DCC: variants seen among roughly 807,000 people sequenced by gnomAD.
DCC encodes the protein DCC netrin 1 receptor.
Under a neutral mutation model 172.5 loss-of-function variants are expected in DCC, and 58 were observed. That is an observed-to-expected ratio of 0.34 (90% CI 0.27 to 0.42). The LOEUF (loss-of-function observed/expected upper bound fraction) is 0.42, where lower values mean the gene tolerates loss of function less well. Ranked by LOEUF, DCC falls within the 10% of genes least tolerant of loss-of-function variation. The probability of loss-of-function intolerance (pLI) is 1.00; values close to 1 mark genes in which losing one functional copy is unlikely to be tolerated. For missense variants in DCC, 1,740 were observed against 1,791.0 expected, an observed-to-expected ratio of 0.97 and a Z score of 0.51; for synonymous variants, 709 against 644.5, an observed-to-expected ratio of 1.10 and a Z score of -1.52.
At chr18:52,550,215 C>T (rs1024991719) in intron 1 of DCC, among the ~76,000 whole-genome samples, 16 of 151,806 alleles carry the variant, frequency 1.1e-4, no homozygotes, top group Non-Finnish European at 2.1e-4. Context: ...TTCTACAAAA[C>T]ACCTGACCAG....
At chr18:53,351,716 A>G (rs948455144) in intron 15 of DCC, among the ~76,000 whole-genome samples, 1 of 151,534 alleles carries the variant, frequency 6.6e-6, no homozygotes, top group Non-Finnish European at 1.5e-5. Flanking sequence ...AATTTTCTTC[A>G]TCATCTCTGT....
chr18:53,399,290 GA>G (rs1363832281), intron 18 of DCC, among the ~76,000 whole-genome samples: 18 of 152,160 alleles, frequency 1.2e-4, no homozygotes, highest in Non-Finnish European at 2.5e-4. Flanking sequence ...CTTGTATGTA[GA>G]TTCAGTGTCA....
chr18:53,281,783 T>C (rs2056875707), intron 12 of DCC, among the ~76,000 whole-genome samples: 1 of 150,820 alleles, frequency 6.6e-6, no homozygotes, highest in South Asian at 2.1e-4. Context: ...TTTTTTTTTT[T>C]GCCTGAGAGG....
chr18:53,008,746 A>G (rs932162703), intron 5 of DCC, among the ~76,000 whole-genome samples: 2 of 147,862 alleles, frequency 1.4e-5, no homozygotes, highest in African/African-American at 4.9e-5. Flanking sequence ...ATATACATTT[A>G]GAAAAAAATT....
At chr18:52,369,765 G>T (rs1338698240) in intron 1 of DCC, among the ~76,000 whole-genome samples, 1 of 152,000 alleles carries the variant, frequency 6.6e-6, no homozygotes, top group African/African-American at 2.4e-5. Context: ...TACAGAATTG[G>T]TCTGTCATGA....
chr18:52,930,952 G>A (rs1329069435), intron 5 of DCC, among the ~76,000 whole-genome samples: 1 of 151,980 alleles, frequency 6.6e-6, no homozygotes, highest in Non-Finnish European at 1.5e-5. Flanking sequence ...TTAGAAGCAT[G>A]ATTAATTTCT....
chr18:53,211,329 C>T (rs2055749197), intron 11 of DCC, among the ~76,000 whole-genome samples: 1 of 152,168 alleles, frequency 6.6e-6, no homozygotes, highest in Non-Finnish European at 1.5e-5. Context: ...GCAGCAGAGC[C>T]AGACCACATA....
intron 15 of DCC, among the ~76,000 whole-genome samples, chr18:53,360,222 A>G (rs11875014): frequency 0.018 from 2,764 of 152,232 alleles, 78 homozygotes; most frequent in African/African-American, 0.062. Flanking sequence ...GATACTGTAT[A>G]TCTTATATAT....
intron 12 of DCC, among the ~76,000 whole-genome samples, chr18:53,284,736 G>C (rs552539011): frequency 1.3e-5 from 2 of 152,260 alleles, no homozygotes; most frequent in East Asian, 3.9e-4. Context: ...GGAAAGCTCA[G>C]AAGAAGACAG....
intron 2 of DCC, among the ~76,000 whole-genome samples, chr18:52,826,094 C>T (rs2038504020): frequency 6.6e-6 from 1 of 152,138 alleles, no homozygotes; most frequent in African/African-American, 2.4e-5. Context: ...TTCATGACTA[C>T]CCTCAAAACA....
rs558513383 is a variant in DCC at position 52,513,500 on chromosome 18, A to T, written c.91+172622A>T. Reference sequence around the variant, plus strand: ...AAGCATTATGGTTTTTTAAATTATTATTATTTGTTCTTCAAACAAACCTAT... The same window carrying T: ...AAGCATTATGGTTTTTTAAATTATTTTTATTTGTTCTTCAAACAAACCTAT... On this transcript the variant is annotated intron_variant, in intron 1 of 28. Transcript: ENST00000442544. Among the ~76,000 whole-genome samples, 86 of 152,238 alleles carry T rather than the reference A, an allele frequency of 5.6e-4. 1 individual carries two copies. The South Asian group carries it at 0.017, about 31-fold the overall frequency.
intron 7 of DCC, among the ~76,000 whole-genome samples, chr18:53,115,774 A>G (rs2043399825): frequency 6.6e-6 from 1 of 151,682 alleles, no homozygotes; most frequent in African/African-American, 2.4e-5. Context: ...ACTCAACTTG[A>G]ACAAAAATTT....
chr18:53,101,416 C>G (rs1161259595), intron 7 of DCC, among the ~76,000 whole-genome samples: 2 of 152,008 alleles, frequency 1.3e-5, no homozygotes, highest in Admixed American at 6.6e-5. Context: ...GAGGCATGAC[C>G]AGTACTAAAT....
chr18:52,624,949 G>C (rs1226296356), intron 1 of DCC, among the ~76,000 whole-genome samples: 1 of 152,124 alleles, frequency 6.6e-6, no homozygotes, highest in Non-Finnish European at 1.5e-5. Context: ...AGGTGATTTG[G>C]TTGTTGTGTA....
chr18:52,624,611 C>T (rs17828712), intron 1 of DCC, among the ~76,000 whole-genome samples: 3,009 of 152,238 alleles, frequency 0.02, 101 homozygotes, highest in East Asian at 0.09. Context: ...TATATGTTTA[C>T]TAATCAGTTG....
chr18:52,500,731 C>G (rs1056990878), intron 1 of DCC, among the ~76,000 whole-genome samples: 13 of 152,224 alleles, frequency 8.5e-5, no homozygotes, highest in Non-Finnish European at 1.8e-4. Flanking sequence ...TTCATAATGT[C>G]TCTCTCATGA....
rs909396593 is a variant in DCC at position 52,572,283 on chromosome 18, G to A, written c.92-179771G>A. Among the ~76,000 whole-genome samples the A allele has an allele frequency of 4.6e-5, 7 of 152,196 alleles. No individual in the cohort carries two copies. The East Asian group carries it at 5.8e-4, about 13-fold the overall frequency. ...GTCGACAGATACAGCGTGGGACACT[G>A]TGGGCTACAGAATCAGGAAGGAGGG... is the stretch of plus-strand genomic sequence containing the variant. On this transcript the variant is annotated intron_variant, in intron 1 of 28. Transcript: ENST00000442544.
chr18:53,433,611 G>A (rs1164622453), intron 21 of DCC, among the ~76,000 whole-genome samples: 1 of 152,156 alleles, frequency 6.6e-6, no homozygotes, highest in Admixed American at 6.6e-5. Context: ...ATCTCACGAT[G>A]TCTCGTGGGC....
chr18:52,505,903 A>T (rs2031213534), intron 1 of DCC, among the ~76,000 whole-genome samples: 1 of 152,176 alleles, frequency 6.6e-6, no homozygotes. Context: ...GTTAGTGCAT[A>T]TCAGTTGTGC....
Sources: gnomAD v4.1 joint callset for allele counts (sites outside exome capture counted in the v4.1 genomes callset) on GRCh38, gnomAD v4.1.1 for gene constraint, MANE v1.5 for transcripts, NCBI Gene and HGNC (gene_info 2026-07-23, HGNC 2026-07-21) for gene names.